NRXN3: variants seen among roughly 807,000 people sequenced by gnomAD.
NRXN3 encodes the protein neurexin III.
NRXN3 carries 32 observed loss-of-function variants against 137.6 expected under a neutral mutation model. The ratio of observed to expected loss-of-function variants is 0.23; its 90% CI spans 0.18 to 0.31. NRXN3 has a LOEUF of 0.31. Among genes scored for constraint, NRXN3 ranks in the 10% least tolerant of loss-of-function variants. NRXN3 has a pLI of 1.00. For synonymous variants in NRXN3, 798 were observed against 784.5 expected (o/e 1.02, Z -0.29); for missense variants, 1,574 against 2,062.5 (o/e 0.76, Z 4.59).
At chr14:78,621,913 G>A (rs1406596309) in intron 4 of NRXN3, among the ~76,000 whole-genome samples, 2 of 152,138 alleles carry the variant, frequency 1.3e-5, no homozygotes, top group African/African-American at 4.8e-5. Context: ...ATACCAAAAT[G>A]ATTTACATAG....
chr14:78,694,291 G>A (rs894533781), intron 6 of NRXN3, among the ~76,000 whole-genome samples: 9 of 151,968 alleles, frequency 5.9e-5, no homozygotes, highest in African/African-American at 2.2e-4. Context: ...ATATATGAGT[G>A]TGTGAAAAAC....
At chr14:78,975,676 C>T (rs768154081) in intron 14 of NRXN3, among the ~76,000 whole-genome samples, 10 of 152,104 alleles carry the variant, frequency 6.6e-5, no homozygotes, top group Non-Finnish European at 1.2e-4. Flanking sequence ...GAGACATGCC[C>T]CCAGTGCCTG....
At chr14:79,293,768 C>G (rs1050501234) in intron 15 of NRXN3, among the ~76,000 whole-genome samples, 32 of 152,360 alleles carry the variant, frequency 2.1e-4, no homozygotes, top group African/African-American at 7.0e-4. Context: ...ATGTCACCCC[C>G]TCACGGGGTC....
At chr14:78,572,558 T>C (rs1233426035) in intron 4 of NRXN3, among the ~76,000 whole-genome samples, 1 of 152,174 alleles carries the variant, frequency 6.6e-6, no homozygotes, top group Non-Finnish European at 1.5e-5. Flanking sequence ...GTTTCAGGGG[T>C]GTCCAATCTT....
intron 15 of NRXN3, among the ~76,000 whole-genome samples, chr14:79,390,167 A>G (rs1483173523): frequency 1.3e-5 from 2 of 151,966 alleles, no homozygotes; most frequent in East Asian, 3.9e-4. Context: ...AATACAAAAA[A>G]TTAGGCGGGC....
intron 15 of NRXN3, among the ~76,000 whole-genome samples, chr14:79,065,981 G>A (rs1048422526): frequency 2.8e-4 from 43 of 152,082 alleles, no homozygotes; most frequent in African/African-American, 1.0e-3. Context: ...TTGCTGTGCA[G>A]AAGCTCTTTA....
chr14:79,242,238 G>A (rs1254310538), intron 15 of NRXN3, among the ~76,000 whole-genome samples: 1 of 152,124 alleles, frequency 6.6e-6, no homozygotes, highest in East Asian at 1.9e-4. Context: ...TGGGCTCTTA[G>A]CTTTTTGGGA....
At chr14:79,509,438 C>T (rs1002113259) in intron 16 of NRXN3, among the ~76,000 whole-genome samples, 3 of 151,890 alleles carry the variant, frequency 2.0e-5, no homozygotes, top group Non-Finnish European at 4.4e-5. Flanking sequence ...ATGGCTTGAA[C>T]TCAGGAGGCG....
intron 16 of NRXN3, among the ~76,000 whole-genome samples, chr14:79,608,932 C>T (rs570260683): frequency 2.0e-5 from 3 of 152,062 alleles, no homozygotes; most frequent in Non-Finnish European, 2.9e-5. Context: ...TGCTTCAAAA[C>T]GTTCTATATA....
chr14:78,882,218 G>A (rs1231784545), intron 10 of NRXN3, among the ~76,000 whole-genome samples: 2 of 151,806 alleles, frequency 1.3e-5, no homozygotes, highest in African/African-American at 4.9e-5. Flanking sequence ...AGCTCTACTA[G>A]GGCAGTGCAG....
intron 10 of NRXN3, among the ~76,000 whole-genome samples, chr14:78,917,260 CAGAA>C (rs1257257543): frequency 1.3e-5 from 2 of 152,050 alleles, no homozygotes; most frequent in African/African-American, 2.4e-5. Flanking sequence ...TGATATAAAA[CAGAA>C]AGAAGCTTTT....
At chr14:79,110,273 T>C (rs532935265) in intron 15 of NRXN3, among the ~76,000 whole-genome samples, 1 of 152,328 alleles carries the variant, frequency 6.6e-6, no homozygotes, top group South Asian at 2.1e-4. Flanking sequence ...AGAACACACA[T>C]AAGAAACTAC....
At chr14:78,880,239 C>CAAAAAAAAA (rs59348965) in intron 10 of NRXN3, among the ~76,000 whole-genome samples, 2 of 45,276 alleles carry the variant, frequency 4.4e-5, no homozygotes, top group African/African-American at 7.8e-5. Flanking sequence ...GACTCCGTCT[C>CAAAAAAAAA]AAAAAAAAAA....
chr14:78,345,102 C>T (rs540019343), intron 4 of NRXN3, among the ~76,000 whole-genome samples: 6 of 152,192 alleles, frequency 3.9e-5, no homozygotes, highest in Admixed American at 2.6e-4. Flanking sequence ...CATGCACATG[C>T]GCATGTGTGT....
At position 79,020,311 on chromosome 14, in the gene NRXN3, G is replaced by A. The variant is rs567063996; in HGVS notation, c.3262+32170G>A. On this transcript the variant is annotated intron_variant, in intron 15 of 20. Coordinates refer to ENST00000335750, the MANE Select transcript of NRXN3 (RefSeq NM_001330195.2). ...ATGGATTTCCGCTCTTGTTGCCTAG[G>A]CTGGAGTGCAATGGCTCGATCTTGT... is the stretch of plus-strand genomic sequence containing the variant. Among the ~76,000 whole-genome samples the A allele has an allele frequency of 2.0e-5, 3 of 146,516 alleles. No individual in the cohort carries two copies. The South Asian group carries it at 6.7e-4, about 33-fold the overall frequency.
intron 18 of NRXN3, 32 bp downstream of exon 18, chr14:79,692,294 C>A (rs771292252): frequency 3.3e-6 from 5 of 1,498,776 alleles, no homozygotes; most frequent in Admixed American, 3.5e-5. Flanking sequence ...ATTTTAAAAT[C>A]ATTTGATCCT....
intron 17 of NRXN3, chr14:79,669,288 A>G (rs550782731): frequency 1.6e-4 from 25 of 152,278 alleles, no homozygotes; most frequent in African/African-American, 6.0e-4. Flanking sequence ...GACTACAGAC[A>G]TATAAGGGCA....
At chr14:78,896,115 A>G (rs1321833921) in intron 10 of NRXN3, among the ~76,000 whole-genome samples, 1 of 151,816 alleles carries the variant, frequency 6.6e-6, no homozygotes, top group Admixed American at 6.6e-5. Context: ...CAAACCATCA[A>G]TTTGTTTTTA....
chr14:79,321,367 A>C (rs753753434), intron 15 of NRXN3, among the ~76,000 whole-genome samples: 1 of 152,176 alleles, frequency 6.6e-6, no homozygotes, highest in African/African-American at 2.4e-5. Context: ...TTAGATTTCA[A>C]AATCAGTCCT....
Sources: allele counts gnomAD v4.1 joint callset (sites outside exome capture counted in the v4.1 genomes callset), GRCh38; gene constraint gnomAD v4.1.1; transcripts MANE v1.5; gene names NCBI Gene and HGNC (gene_info 2026-07-23, HGNC 2026-07-21).